Variants in CDIN1 observed in about 807,000 individuals in gnomAD.
The protein encoded by CDIN1 is CDAN1 interacting nuclease 1.
In CDIN1, 33 loss-of-function variants were observed where a neutral mutation model predicts 45.3. The ratio of observed to expected loss-of-function variants is 0.73; its 90% CI spans 0.55 to 0.97. CDIN1 has a LOEUF of 0.97. Ranked by LOEUF, CDIN1 falls within the 50% of genes least tolerant of loss-of-function variation. The probability of loss-of-function intolerance (pLI) is 0.00; values close to 1 mark genes in which losing one functional copy is unlikely to be tolerated. For synonymous variants in CDIN1, 118 were observed against 124.4 expected, an observed-to-expected ratio of 0.95 and a Z score of 0.34; for missense variants, 303 against 339.4, an observed-to-expected ratio of 0.89 and a Z score of 0.84.
chr15:36,590,301 C>A (rs1401255121), intron 1 of CDIN1, among the ~76,000 whole-genome samples: 1 of 152,104 alleles, frequency 6.6e-6, no homozygotes, highest in African/African-American at 2.4e-5. Flanking sequence ...GGACCTATTT[C>A]TTTTATGTGT....
chr15:36,608,763 A>G (rs1006819232), intron 1 of CDIN1, among the ~76,000 whole-genome samples: 12 of 152,212 alleles, frequency 7.9e-5, no homozygotes, highest in Admixed American at 3.3e-4. Flanking sequence ...TTATTGTTCA[A>G]TACACTATTT....
At chr15:36,723,975 A>C (rs2043529969) in intron 10 of CDIN1, among the ~76,000 whole-genome samples, 1 of 152,254 alleles carries the variant, frequency 6.6e-6, no homozygotes, top group African/African-American at 2.4e-5. Flanking sequence ...ATTATGTTCA[A>C]GGTGCTGGTT....
intron 10 of CDIN1, among the ~76,000 whole-genome samples, chr15:36,786,365 T>C (rs1272272408): frequency 6.6e-6 from 1 of 152,224 alleles, no homozygotes. Context: ...TAAAAAATTA[T>C]AATATTTCTG....
At chr15:36,665,738 G>C (rs2041223975) in intron 5 of CDIN1, among the ~76,000 whole-genome samples, 1 of 151,960 alleles carries the variant, frequency 6.6e-6, no homozygotes, top group Non-Finnish European at 1.5e-5. Flanking sequence ...AGTCAAAAAT[G>C]GTTCATAATG....
rs1290182146 is a variant in CDIN1, at chr15:36,782,979, CTAA to C, written c.717-25340_717-25338del. Among the ~76,000 whole-genome samples, 6 of 152,262 alleles carry C rather than the reference CTAA, an allele frequency of 3.9e-5. No individual in the cohort carries two copies. The South Asian group carries it at 6.2e-4, about 16-fold the overall frequency. ...GAAATCTTCATTTTTCCCTCCTCTC[CTAA>C]TAATGTTTGACAAGTGGAGATGAAT... On this transcript the variant is annotated intron_variant, in intron 10 of 10. Coordinates refer to ENST00000566621, the MANE Select transcript of CDIN1 (RefSeq NM_001321759.2).
intron 1 of CDIN1, among the ~76,000 whole-genome samples, chr15:36,602,326 G>A (rs375997794): frequency 6.6e-6 from 1 of 152,178 alleles, no homozygotes; most frequent in African/African-American, 2.4e-5. Flanking sequence ...GTGCTATAAT[G>A]AATACTATTT....
rs796397459 is a variant in CDIN1 at position 36,582,974 on chromosome 15, T to G, written c.101+3013T>G. ...AATTACCTGTTTGGTATCCTTTGCC[T>G]AATTTTCTGTTGGCATGTCTGTTGT... On this transcript the variant is annotated intron_variant, in intron 1 of 10. Transcript: ENST00000566621. 2.0e-5 allele frequency among the ~76,000 whole-genome samples: 3 copies of G among 152,236 alleles called. No homozygotes were observed. In the South Asian group the frequency reaches 6.2e-4, roughly 31 times the overall value.
At chr15:36,767,175 T>TAA (rs59141560) in intron 10 of CDIN1, among the ~76,000 whole-genome samples, 121,171 of 151,650 alleles carry the variant, frequency 0.8, 50,685 homozygotes, top group East Asian at 0.95. Context: ...TCCCAGCAGT[T>TAA]AAAAAAAATG....
chr15:36,676,263 T>C (rs2041645542), intron 5 of CDIN1, among the ~76,000 whole-genome samples: 1 of 152,162 alleles, frequency 6.6e-6, no homozygotes, highest in Non-Finnish European at 1.5e-5. Flanking sequence ...GGTTGTTCTT[T>C]CCCGTTAGAT....
At chr15:36,669,741 G>C (rs561028755) in intron 5 of CDIN1, among the ~76,000 whole-genome samples, 1 of 152,096 alleles carries the variant, frequency 6.6e-6, no homozygotes, top group East Asian at 1.9e-4. Flanking sequence ...TTTTTGCAGA[G>C]GATATTCTGC....
intron 1 of CDIN1, among the ~76,000 whole-genome samples, chr15:36,625,807 T>A (rs2039398270): frequency 6.6e-6 from 1 of 152,180 alleles, no homozygotes; most frequent in Non-Finnish European, 1.5e-5. Context: ...AGTGCCTTAG[T>A]GTGCTCAGGC....
chr15:36,678,576 A>T (rs1179043263), intron 5 of CDIN1, among the ~76,000 whole-genome samples: 4 of 152,192 alleles, frequency 2.6e-5, no homozygotes, highest in African/African-American at 9.7e-5. Flanking sequence ...CTCACAACAC[A>T]GCTCTGACTG....
chr15:36,769,536 A>C (rs1003652493), intron 10 of CDIN1, among the ~76,000 whole-genome samples: 15 of 152,186 alleles, frequency 9.9e-5, no homozygotes, highest in African/African-American at 3.4e-4. Context: ...ATGGATGTTA[A>C]TCGCATCTGC....
At chr15:36,796,898 A>G (rs960644235) in intron 10 of CDIN1, among the ~76,000 whole-genome samples, 1 of 152,222 alleles carries the variant, frequency 6.6e-6, no homozygotes, top group African/African-American at 2.4e-5. Flanking sequence ...ACATATTTGC[A>G]TTTCCCTTTT....
chr15:36,738,960 G>A (rs976950388), intron 10 of CDIN1, among the ~76,000 whole-genome samples: 2 of 152,202 alleles, frequency 1.3e-5, no homozygotes, highest in Non-Finnish European at 2.9e-5. Context: ...TAAATATCAT[G>A]TACCAATGTT....
chr15:36,778,342 G>A (rs150317133), intron 10 of CDIN1, among the ~76,000 whole-genome samples: 128 of 152,252 alleles, frequency 8.4e-4, no homozygotes, highest in African/African-American at 2.8e-3. Flanking sequence ...TGTGTTCCTA[G>A]TGCTATTTAA....
At chr15:36,715,445 A>G (rs2043187044) in intron 10 of CDIN1, among the ~76,000 whole-genome samples, 1 of 152,174 alleles carries the variant, frequency 6.6e-6, no homozygotes, top group African/African-American at 2.4e-5. Context: ...AGCATGGCCA[A>G]AGTTTTTCCT....
chr15:36,615,960 G>A (rs2038866721), intron 1 of CDIN1, among the ~76,000 whole-genome samples: 1 of 152,160 alleles, frequency 6.6e-6, no homozygotes, highest in African/African-American at 2.4e-5. Flanking sequence ...AAGAACATTT[G>A]CCTTCACAGT....
chr15:36,654,513 CAAAAAA>C (rs35679788), intron 4 of CDIN1, among the ~76,000 whole-genome samples: 1 of 95,314 alleles, frequency 1.0e-5, no homozygotes, highest in Non-Finnish European at 2.1e-5. Context: ...AGATGGATGC[CAAAAAA>C]AAAAAAAAAA....
Sources: gnomAD v4.1 joint callset for allele counts (sites outside exome capture counted in the v4.1 genomes callset) on GRCh38, gnomAD v4.1.1 for gene constraint, MANE v1.5 for transcripts, NCBI Gene and HGNC (gene_info 2026-07-23, HGNC 2026-07-21) for gene names.